Variants in PPP6R2 observed in about 807,000 individuals in gnomAD.
PPP6R2 encodes protein phosphatase 6 regulatory subunit 2, also known as serine/threonine-protein phosphatase 6 regulatory subunit 2.
Under a neutral mutation model 100.2 loss-of-function variants are expected in PPP6R2, and 62 were observed. The observed-to-expected ratio is 0.62, with a 90% confidence interval of 0.50 to 0.76. PPP6R2 has a LOEUF of 0.76. Among genes scored for constraint, PPP6R2 ranks in the 30% least tolerant of loss-of-function variants. The probability of loss-of-function intolerance (pLI) is 0.00; values close to 1 mark genes in which losing one functional copy is unlikely to be tolerated. For synonymous variants in PPP6R2, 525 were observed against 514.7 expected (o/e 1.02, Z -0.27); for missense variants, 1,142 against 1,276.3 (o/e 0.89, Z 1.60).
intron 1 of PPP6R2, among the ~76,000 whole-genome samples, chr22:50,347,845 C>T (rs1463881330): frequency 6.6e-6 from 1 of 152,202 alleles, no homozygotes; most frequent in African/African-American, 2.4e-5. Context: ...CTGAAAGAGG[C>T]TCTTCACCTC....
rs112217367 is a variant in PPP6R2, at chr22:50,431,328, C to T, written c.1281C>T (p.Ser427=). Residue 427 remains serine (S), a synonymous_variant, in exon 11 of 24, where the codon AGC becomes AGT. Transcript: ENST00000612753. The surrounding 1 kb of genome is among the most constrained non-coding windows in gnomAD (Gnocchi z 4.8). The stretch of plus-strand genomic sequence containing the variant: ...CTCCGCATGAGAACGGGAACCGGAG[C>T]CTGGAGACTCCCCAGCCGGCCGCCA... ...VEPPHENGNR[S]LETPQPAASL... 785 of 1,613,094 alleles carry T rather than the reference C, an allele frequency of 4.9e-4. 2 individuals are homozygous for T. In the African/African-American group the frequency reaches 9.0e-3, roughly 18 times the overall value.
At chr22:50,390,341 A>G (rs1185746161) in intron 2 of PPP6R2, among the ~76,000 whole-genome samples, 2 of 152,138 alleles carry the variant, frequency 1.3e-5, no homozygotes, top group African/African-American at 2.4e-5. Flanking sequence ...GCACAAGTAG[A>G]TGAAAGTCAA....
At chr22:50,380,292 C>T (rs1297719845) in intron 2 of PPP6R2, among the ~76,000 whole-genome samples, 2 of 151,252 alleles carry the variant, frequency 1.3e-5, no homozygotes, top group African/African-American at 2.4e-5. Flanking sequence ...AGGACGGTCT[C>T]GATCTCCTGA....
At chr22:50,391,960 A>T (rs2055673957) in intron 2 of PPP6R2, 1 of 151,964 alleles carries the variant, frequency 6.6e-6, no homozygotes, top group African/African-American at 2.4e-5. Context: ...AAAAAAAAAA[A>T]AAAAAGCCTT....
intron 2 of PPP6R2, among the ~76,000 whole-genome samples, chr22:50,388,780 G>A (rs1319851338): frequency 6.6e-6 from 1 of 151,680 alleles, no homozygotes; most frequent in Non-Finnish European, 1.5e-5. Flanking sequence ...GCTGAGGCAG[G>A]AAAATGGCTT....
At chr22:50,339,753 TGGTGTGTG>T (rs2042348718), upstream of PPP6R2, among the ~76,000 whole-genome samples, 1 of 111,700 alleles carries the variant, frequency 9.0e-6, no homozygotes, top group African/African-American at 3.9e-5. Flanking sequence ...TAGTATGTGG[TGGTGTGTG>T]GTGTGTGTGG....
At chr22:50,438,487 C>T (rs1328032875) in intron 18 of PPP6R2, 112 bp from the exon 19 acceptor site, 1 of 1,437,676 alleles carries the variant, frequency 7.0e-7, no homozygotes. Flanking sequence ...TCGTGCTCCT[C>T]TCTCGAGACG....
intron 1 of PPP6R2, among the ~76,000 whole-genome samples, chr22:50,352,734 C>CAAA (rs1279904743): frequency 3.5e-5 from 4 of 115,568 alleles, no homozygotes; most frequent in African/African-American, 1.4e-4. Flanking sequence ...AAAACAAAAA[C>CAAA]AAAAACAAAA....
intron 4 of PPP6R2, among the ~76,000 whole-genome samples, chr22:50,411,143 T>C (rs59762075): frequency 0.38 from 57,713 of 151,976 alleles, 11,380 homozygotes; most frequent in East Asian, 0.67. Context: ...TGTATTTACA[T>C]GAGGTTGTAT....
chr22:50,354,717 T>G (rs752163742), intron 1 of PPP6R2, among the ~76,000 whole-genome samples: 37 of 151,844 alleles, frequency 2.4e-4, no homozygotes, highest in Non-Finnish European at 4.0e-4. Flanking sequence ...TCGCAGCTAC[T>G]CAGGAGGCTG....
At chr22:50,334,173 G>A in the PPP6R2 span, among the ~76,000 whole-genome samples, 9 of 152,358 alleles carry the variant, frequency 5.9e-5, no homozygotes, top group South Asian at 4.1e-4. Context: ...GGCTGCGGGC[G>A]GGCCTGACTG....
At chr22:50,440,308 C>G (rs532851073) in intron 21 of PPP6R2, among the ~76,000 whole-genome samples, 2 of 152,332 alleles carry the variant, frequency 1.3e-5, no homozygotes, top group African/African-American at 4.8e-5. Context: ...CAGGTCTGCA[C>G]CCTGGATTCC....
At chr22:50,337,617 G>A in the PPP6R2 span, among the ~76,000 whole-genome samples, 4 of 120,066 alleles carry the variant, frequency 3.3e-5, no homozygotes, top group African/African-American at 5.8e-5. Context: ...TGTGTGTGCT[G>A]TGTGCGGTAT....
intron 1 of PPP6R2, among the ~76,000 whole-genome samples, chr22:50,354,473 GCT>G: frequency 6.6e-6 from 1 of 152,192 alleles, no homozygotes; most frequent in South Asian, 2.1e-4. Flanking sequence ...GGATTGGAGT[GCT>G]TTTTTTATTT....
At chr22:50,393,867 C>T (rs768179760) in intron 2 of PPP6R2, 26 bp from the exon 3 acceptor site, 7 of 1,612,668 alleles carry the variant, frequency 4.3e-6, no homozygotes, top group South Asian at 1.1e-5. Flanking sequence ...GGGTGAGAGA[C>T]GTGACCCCTT....
intron 4 of PPP6R2, 139 bp from the exon 5 acceptor site, chr22:50,414,413 T>C: frequency 1.2e-6 from 1 of 828,540 alleles, no homozygotes; most frequent in Admixed American, 3.1e-5. Flanking sequence ...GGGGGCTTTC[T>C]TACAATCTTG....
intron 3 of PPP6R2, among the ~76,000 whole-genome samples, chr22:50,399,117 G>A (rs1211164558): frequency 1.3e-5 from 2 of 152,186 alleles, no homozygotes; most frequent in East Asian, 1.9e-4. Context: ...CGTGGTGGCC[G>A]GTGCCTGTAG....
rs374143841 is a variant in PPP6R2, at chr22:50,440,988, G to C, written c.2541G>C (p.Pro847=). ...GGGGTCCCGGCCGGGAGGCCCCCCC[G>C]CTGCCCACAGTGGCCAGGACAGAGG... ...VSRGPGREAP[P]LPTVARTEEA... is the part of the protein sequence containing the mutation. The change falls in exon 22 of 24, where the codon CCG becomes CCC. Residue 847 remains proline, a synonymous_variant. Transcript: ENST00000612753. 2 of 1,609,538 alleles carry C rather than the reference G, an allele frequency of 1.2e-6. No homozygotes were observed. The highest frequency in any genetic ancestry group is 1.7e-6 in the Non-Finnish European group (2 of 1,177,882).
At chr22:50,371,436 G>T (rs1465462767) in intron 1 of PPP6R2, among the ~76,000 whole-genome samples, 1 of 151,944 alleles carries the variant, frequency 6.6e-6, no homozygotes, top group Admixed American at 6.6e-5. Context: ...TTAGTAGTGG[G>T]ACTGGAGCTG....
Sources: allele counts gnomAD v4.1 joint callset (sites outside exome capture counted in the v4.1 genomes callset), GRCh38; gene constraint gnomAD v4.1.1; non-coding constraint Gnocchi (gnomAD v3.1); transcripts MANE v1.5; gene names NCBI Gene and HGNC (gene_info 2026-07-23, HGNC 2026-07-21).